The following CEBPB variants were observed in gnomAD, a reference collection of about 807,000 sequenced individuals.
CEBPB encodes the protein CCAAT enhancer binding protein beta.
For synonymous variants in CEBPB, 295 were observed against 267.1 expected, an observed-to-expected ratio of 1.10 and a Z score of -1.02; for missense variants, 498 against 533.1, an observed-to-expected ratio of 0.93 and a Z score of 0.65.
upstream of CEBPB, chr20:50,190,771 C>T (rs531623598): frequency 1.7e-3 from 542 of 324,366 alleles, no homozygotes; most frequent in Admixed American, 3.1e-3. Context: ...GAGGGGCCGG[C>T]GTGACGCAGC....
Position 50,191,657 on chromosome 20 carries a change from C to T in CEBPB, c.624C>T (p.Arg208=), listed in dbSNP as rs2081578994. 2 of 1,414,546 alleles carry T rather than the reference C, an allele frequency of 1.4e-6. No individual in the cohort carries two copies. Among genetic ancestry groups the T allele is most frequent in the South Asian group, 1.5e-5 (1 of 67,206 alleles). The allele number at this position is 1,414,546 out of a possible 1,614,324, so 87.6% of individuals were successfully genotyped here. A position where few individuals can be genotyped will look rare whatever the true frequency, so the allele number is the denominator to read the frequency against. The change falls in exon 1 of 1, where the codon CGC becomes CGT. Residue 208 remains arginine (R), a synonymous_variant. Coordinates refer to ENST00000303004, the MANE Select transcript of CEBPB (RefSeq NM_005194.4). ...CGGCGGGCTTCCCGTACGCGCTGCG[C>T]GCTTACCTCGGCTACCAGGCGGTGC... The part of the protein sequence containing the change: ...GMAAGFPYAL[R]AYLGYQAVPS...
chr20:50,191,669 C>T lies in CEBPB; in HGVS notation c.636C>T (p.Gly212=). The T allele has an allele frequency of 7.0e-7, 1 of 1,425,186 alleles. No individual in the cohort carries two copies. The highest frequency in any genetic ancestry group is 9.1e-7 in the Non-Finnish European group (1 of 1,100,622). The allele number at this position is 1,425,186 out of a possible 1,614,324, so 88.3% of individuals were successfully genotyped here. A position where few individuals can be genotyped will look rare whatever the true frequency, so the allele number is the denominator to read the frequency against. The stretch of plus-strand genomic sequence containing the variant: ...CGTACGCGCTGCGCGCTTACCTCGG[C>T]TACCAGGCGGTGCCGAGCGGCAGCA... ...GFPYALRAYL[G]YQAVPSGSSG... Residue 212 remains glycine, a synonymous_variant, in exon 1 of 1, where the codon GGC becomes GGT. Transcript: ENST00000303004.
At position 50,191,806 on chromosome 20, in the gene CEBPB, A is replaced by C; in HGVS notation, c.773A>C (p.Gln258Pro). 2 of 1,570,362 alleles carry C rather than the reference A, an allele frequency of 1.3e-6. No individual in the cohort carries two copies. Among genetic ancestry groups the C allele is most frequent in the East Asian group, 2.4e-5 (1 of 41,702 alleles). Residue 258 changes from glutamine to proline, a missense_variant, in exon 1 of 1, where the codon CAG becomes CCG. Coordinates refer to ENST00000303004, the MANE Select transcript of CEBPB (RefSeq NM_005194.4). Reference sequence around the variant, plus strand: ...GCGGGGGCCGCGCCGGCGCCCTCGCAGGTCAAGAGCAAGGCCAAGAAGACC... The same window carrying C: ...GCGGGGGCCGCGCCGGCGCCCTCGCCGGTCAAGAGCAAGGCCAAGAAGACC... ...CYAGAAPAPSQVKSKAKKTVD... is the reference protein window; with the variant it reads ...CYAGAAPAPSPVKSKAKKTVD...
upstream of CEBPB, chr20:50,190,781 C>G (rs910031445): frequency 2.9e-6 from 1 of 343,038 alleles, no homozygotes; most frequent in Non-Finnish European, 5.2e-6. Flanking sequence ...CGTGACGCAG[C>G]GGTTGCTACG....
At position 50,191,273 on chromosome 20, in the gene CEBPB, G is replaced by A. The variant is rs1353144921; in HGVS notation, c.240G>A (p.Glu80=). The change falls in exon 1 of 1, where the codon GAG becomes GAA. Residue 80 remains glutamate (E), a synonymous_variant. Transcript: ENST00000303004. ...CCATCGACTTCAGCCCGTACCTGGA[G>A]CCGCTGGGCGCGCCGCAGGCCCCGG... ...ERAIDFSPYL[E]PLGAPQAPAP... 3 of 1,279,940 alleles carry A rather than the reference G, an allele frequency of 2.3e-6. No homozygotes were observed. Among genetic ancestry groups the A allele is most frequent in the Admixed American group, 3.9e-5 (1 of 25,926 alleles). The allele number at this position is 1,279,940 out of a possible 1,614,324, so 79.3% of individuals were successfully genotyped here.
chr20:50,191,396 C>T lies in CEBPB; in HGVS notation c.363C>T (p.Leu121=). ...SGQHHDFLSD[L]FSDDYGGKNC... Reference sequence around the variant, plus strand: ...AGCACCACGACTTCCTCTCCGACCTCTTCTCCGACGACTACGGGGGCAAGA... The same window carrying T: ...AGCACCACGACTTCCTCTCCGACCTTTTCTCCGACGACTACGGGGGCAAGA... The change falls in exon 1 of 1, where the codon CTC becomes CTT. Residue 121 remains leucine (L), a synonymous_variant. Transcript: ENST00000303004. 1 of 1,511,084 alleles carries T rather than the reference C, an allele frequency of 6.6e-7. No individual in the cohort carries two copies. Among genetic ancestry groups the T allele is most frequent in the African/African-American group, 1.4e-5 (1 of 69,036 alleles). The allele number at this position is 1,511,084 out of a possible 1,614,324, so 93.6% of individuals were successfully genotyped here.
chr20:50,191,882 C>T lies in CEBPB; in HGVS notation c.849C>T (p.Ile283=), dbSNP rs966015956. 4 of 1,612,284 alleles carry T rather than the reference C, an allele frequency of 2.5e-6. No individual in the cohort carries two copies. The African/African-American group carries it at 5.3e-5, about 22-fold the overall frequency. Residue 283 remains isoleucine, a synonymous_variant, in exon 1 of 1, where the codon ATC becomes ATT. Coordinates refer to ENST00000303004, the MANE Select transcript of CEBPB (RefSeq NM_005194.4). The part of the protein sequence containing the change: ...EYKIRRERNN[I]AVRKSRDKAK... The stretch of plus-strand genomic sequence containing the variant: ...AGATCCGGCGCGAGCGCAACAACAT[C>T]GCCGTGCGCAAGAGCCGCGACAAGG...
At position 50,192,077 on chromosome 20, in the gene CEBPB, C is replaced by A; in HGVS notation, c.*6C>A. The A allele has an allele frequency of 1.3e-6, 2 of 1,516,408 alleles. No homozygotes were observed. Among genetic ancestry groups the A allele is most frequent in the Admixed American group, 2.2e-5 (1 of 46,008 alleles). The allele number at this position is 1,516,408 out of a possible 1,614,324, so 93.9% of individuals were successfully genotyped here. On this transcript the variant is annotated 3_prime_UTR_variant, in exon 1 of 1. Coordinates refer to ENST00000303004, the MANE Select transcript of CEBPB (RefSeq NM_005194.4). ...CCTCCTCCGGCCACTGCTAGCGCGG[C>A]CCCCGCGCGCGTCCCCCTGCCGGCC... is the stretch of plus-strand genomic sequence containing the variant.
rs1168461112 is a variant in CEBPB at position 50,191,771 on chromosome 20, C to G, written c.738C>G (p.Thr246=). 2 of 1,542,588 alleles carry G rather than the reference C, an allele frequency of 1.3e-6. No homozygotes were observed. Among genetic ancestry groups the G allele is most frequent in the East Asian group, 2.5e-5 (1 of 40,098 alleles). The stretch of plus-strand genomic sequence containing the variant: ...CCGCTGACGCCAAGGCGCCCCCGAC[C>G]GCCTGCTACGCGGGGGCCGCGCCGG... ...PSPADAKAPP[T]ACYAGAAPAP... is the part of the protein sequence containing the mutation. Residue 246 remains threonine, a synonymous_variant, in exon 1 of 1, where the codon ACC becomes ACG. Transcript: ENST00000303004.
chr20:50,192,059 C>T lies in CEBPB; in HGVS notation c.1026C>T (p.Ser342=), dbSNP rs1284419693. 3.8e-6 allele frequency: 6 copies of T among 1,576,754 alleles called. No individual in the cohort carries two copies. Among genetic ancestry groups the T allele is most frequent in the Admixed American group, 1.8e-5 (1 of 55,618 alleles). Reference sequence around the variant, plus strand: ...TGCCCGAGCCCCTGCTCGCCTCCTCCGGCCACTGCTAGCGCGGCCCCCGCG... The same window carrying T: ...TGCCCGAGCCCCTGCTCGCCTCCTCTGGCCACTGCTAGCGCGGCCCCCGCG... ...KQLPEPLLAS[S]GHC The change falls in exon 1 of 1, where the codon TCC becomes TCT. Residue 342 remains serine (S), a synonymous_variant. Transcript: ENST00000303004.
At position 50,191,268 on chromosome 20, in the gene CEBPB, C is replaced by G. The variant is rs1224552608; in HGVS notation, c.235C>G (p.Leu79Val). ...HERAIDFSPY[L>V]EPLGAPQAPA... ...GCGCGCCATCGACTTCAGCCCGTAC[C>G]TGGAGCCGCTGGGCGCGCCGCAGGC... The change falls in exon 1 of 1, where the codon CTG becomes GTG. Residue 79 changes from leucine (L) to valine (V), a missense_variant. Coordinates refer to ENST00000303004, the MANE Select transcript of CEBPB (RefSeq NM_005194.4). 14 of 1,281,536 alleles carry G rather than the reference C, an allele frequency of 1.1e-5. No homozygotes were observed. The highest frequency in any genetic ancestry group is 1.4e-5 in the Non-Finnish European group (14 of 1,013,588). The allele number at this position is 1,281,536 out of a possible 1,614,324, so 79.4% of individuals were successfully genotyped here. A position where few individuals can be genotyped will look rare whatever the true frequency, so the allele number is the denominator to read the frequency against.
chr20:50,192,005 C>T lies in CEBPB; in HGVS notation c.972C>T (p.Leu324=), dbSNP rs759997646. 6.2e-7 allele frequency: 1 copy of T among 1,608,114 alleles called. No homozygotes were observed. The highest frequency in any genetic ancestry group is 1.7e-5 in the Admixed American group (1 of 59,508). Residue 324 remains leucine, a synonymous_variant, in exon 1 of 1, where the codon CTC becomes CTT. Coordinates refer to ENST00000303004, the MANE Select transcript of CEBPB (RefSeq NM_005194.4). ...AGGTGGAGCAGCTGTCGCGCGAGCT[C>T]AGCACCCTGCGGAACTTGTTCAAGC... is the stretch of plus-strand genomic sequence containing the variant. ...QKKVEQLSRE[L]STLRNLFKQL...
rs898006913 is a variant in CEBPB, at chr20:50,192,151, C to T, written c.*80C>T. On this transcript the variant is annotated 3_prime_UTR_variant, in exon 1 of 1. Transcript: ENST00000303004. ...CCGCGCCCGCGCCCTCGCCCCCGCC[C>T]CCGGCGGCGCCGGCAAAACTTTGGC... The T allele has an allele frequency of 1.7e-6, 2 of 1,187,878 alleles. No individual in the cohort carries two copies. Among genetic ancestry groups the T allele is most frequent in the Non-Finnish European group, 2.1e-6 (2 of 946,964 alleles). The allele number at this position is 1,187,878 out of a possible 1,614,324, so 73.6% of individuals were successfully genotyped here.
In CEBPB at chr20:50,191,072, C is replaced by CCTGCCG. The variant is rs1568673107; in HGVS notation, c.41_46dup (p.Leu14_Pro15dup). ...TGGCCTGGGACCCAGCATGTCTCCC[C>CCTGCCG]CTGCCGCCGCCGCCGCCTGCCTTTA... is the stretch of plus-strand genomic sequence containing the variant. On this transcript the variant is annotated inframe_insertion, in exon 1 of 1. Transcript: ENST00000303004. The CCTGCCG allele has an allele frequency of 6.4e-7, 1 of 1,555,050 alleles. No homozygotes were observed. Among genetic ancestry groups the CCTGCCG allele is most frequent in the Non-Finnish European group, 8.6e-7 (1 of 1,157,876 alleles).
rs1240880707 is a variant in CEBPB at position 50,192,322 on chromosome 20, A to G, written c.*251A>G. The G allele has an allele frequency of 4.4e-5, 8 of 183,006 alleles. No individual in the cohort carries two copies. Among genetic ancestry groups the G allele is most frequent in the Non-Finnish European group, 8.7e-5 (7 of 80,772 alleles). 11.3% of individuals were successfully genotyped at this position (183,006 alleles called of 1,614,324 possible). ...ATTTAAAGAAGAAACGTCTATGTGTACAGATGAATGATAAACTCTCTGCTT... is the reference window on the plus strand; with the variant it reads ...ATTTAAAGAAGAAACGTCTATGTGTGCAGATGAATGATAAACTCTCTGCTT... On this transcript the variant is annotated 3_prime_UTR_variant, in exon 1 of 1. Coordinates refer to ENST00000303004, the MANE Select transcript of CEBPB (RefSeq NM_005194.4).
Position 50,190,997 on chromosome 20 carries a change from G to A in CEBPB, c.-37G>A. 1 of 1,452,536 alleles carries A rather than the reference G, an allele frequency of 6.9e-7. No individual in the cohort carries two copies. The highest frequency in any genetic ancestry group is 9.0e-7 in the Non-Finnish European group (1 of 1,105,824). 90.0% of individuals were successfully genotyped at this position (1,452,536 alleles called of 1,614,324 possible). On this transcript the variant is annotated 5_prime_UTR_variant, in exon 1 of 1. Coordinates refer to ENST00000303004, the MANE Select transcript of CEBPB (RefSeq NM_005194.4). ...GCGCCACCTGCGGGCCGGCCGGAGC[G>A]GGCAGCCCCAGGCCCCCTCCCCGGG... is the stretch of plus-strand genomic sequence containing the variant.
In CEBPB at chr20:50,192,158, G is replaced by T. The variant is rs991197826; in HGVS notation, c.*87G>T. ...CGCGCCCTCGCCCCCGCCCCCGGCG[G>T]CGCCGGCAAAACTTTGGCACTGGGG... is the stretch of plus-strand genomic sequence containing the variant. On this transcript the variant is annotated 3_prime_UTR_variant, in exon 1 of 1. Transcript: ENST00000303004. 5 of 1,176,636 alleles carry T rather than the reference G, an allele frequency of 4.2e-6. No individual in the cohort carries two copies. Among genetic ancestry groups the T allele is most frequent in the Non-Finnish European group, 4.3e-6 (4 of 937,796 alleles). 72.9% of individuals were successfully genotyped at this position (1,176,636 alleles called of 1,614,324 possible). A position where few individuals can be genotyped will look rare whatever the true frequency, so the allele number is the denominator to read the frequency against.
rs755856576 is a variant in CEBPB, at chr20:50,192,065, C to T, written c.1032C>T (p.His344=). The part of the protein sequence containing the change: ...LPEPLLASSG[H]C ...AGCCCCTGCTCGCCTCCTCCGGCCA[C>T]TGCTAGCGCGGCCCCCGCGCGCGTC... Residue 344 remains histidine, a synonymous_variant, in exon 1 of 1, where the codon CAC becomes CAT. Transcript: ENST00000303004. 5.8e-5 allele frequency: 90 copies of T among 1,545,106 alleles called. No homozygotes were observed. Among genetic ancestry groups the T allele is most frequent in the Non-Finnish European group, 7.7e-5 (89 of 1,149,588 alleles).
rs987282182 is a variant in CEBPB, at chr20:50,191,208, C to A, written c.175C>A (p.Pro59Thr). ...PPAARPGPRPPAGELGSIGDH... is the reference protein window; with the variant it reads ...PPAARPGPRPTAGELGSIGDH... ...CGCGGCCAGACCCGGGCCGCGCCCC[C>A]CCGCCGGCGAGCTGGGCAGCATCGG... is the stretch of plus-strand genomic sequence containing the variant. Residue 59 changes from proline (P) to threonine (T), a missense_variant, in exon 1 of 1, where the codon CCC (proline) becomes ACC (threonine). Transcript: ENST00000303004. 3.0e-5 allele frequency: 39 copies of A among 1,302,432 alleles called. No homozygotes were observed. Among genetic ancestry groups the A allele is most frequent in the East Asian group, 3.4e-5 (1 of 29,614 alleles). The allele number at this position is 1,302,432 out of a possible 1,614,324, so 80.7% of individuals were successfully genotyped here. A position where few individuals can be genotyped will look rare whatever the true frequency, so the allele number is the denominator to read the frequency against.
Sources: allele counts gnomAD v4.1 joint callset, GRCh38; gene constraint gnomAD v4.1.1; transcripts MANE v1.5; gene names NCBI Gene and HGNC (gene_info 2026-07-23, HGNC 2026-07-21).